SRL: variants seen among roughly 807,000 people sequenced by gnomAD.
The protein encoded by SRL is sarcalumenin.
In SRL, 23 loss-of-function variants were observed where a neutral mutation model predicts 39.5. The ratio of observed to expected loss-of-function variants is 0.58; its 90% CI spans 0.42 to 0.82. The LOEUF (loss-of-function observed/expected upper bound fraction) is 0.82. Among genes scored for constraint, SRL ranks in the 40% least tolerant of loss-of-function variants. The probability of loss-of-function intolerance (pLI) is 0.00; values close to 1 mark genes in which losing one functional copy is unlikely to be tolerated. For missense variants in SRL, 592 were observed against 607.8 expected (o/e 0.97, Z 0.27); for synonymous variants, 272 against 237.4 (o/e 1.15, Z -1.34).
intron 1 of SRL, among the ~76,000 whole-genome samples, chr16:4,210,045 T>C (rs1388588499): frequency 1.3e-5 from 2 of 152,198 alleles, no homozygotes; most frequent in Non-Finnish European, 2.9e-5. Context: ...AGGAATCCAA[T>C]TTAATTCTGT....
chr16:4,237,686 C>T (rs1183308223), intron 1 of SRL, among the ~76,000 whole-genome samples: 1 of 152,106 alleles, frequency 6.6e-6, no homozygotes, highest in Non-Finnish European at 1.5e-5. Context: ...CAATGCTCCC[C>T]TTCCCTGGGT....
chr16:4,225,017 A>T (rs748879982), intron 1 of SRL, among the ~76,000 whole-genome samples: 1 of 152,190 alleles, frequency 6.6e-6, no homozygotes, highest in Non-Finnish European at 1.5e-5. Flanking sequence ...GTGTGATTCC[A>T]TTTATACGAA....
intron 1 of SRL, among the ~76,000 whole-genome samples, chr16:4,231,457 T>C (rs1176870475): frequency 2.6e-5 from 4 of 152,104 alleles, no homozygotes; most frequent in Non-Finnish European, 5.9e-5. Context: ...AGCCAATCGT[T>C]TTCACCATCC....
At chr16:4,235,555 G>C (rs909609970) in intron 1 of SRL, among the ~76,000 whole-genome samples, 2 of 152,040 alleles carry the variant, frequency 1.3e-5, no homozygotes, top group Admixed American at 1.3e-4. Context: ...AATAAAATTA[G>C]CTGGGTGTGG....
At chr16:4,240,728 C>T (rs1860998032) in intron 1 of SRL, among the ~76,000 whole-genome samples, 1 of 152,148 alleles carries the variant, frequency 6.6e-6, no homozygotes, top group South Asian at 2.1e-4. Context: ...TGTGTAGCAG[C>T]CCAGCAGCTG....
chr16:4,205,666 C>A (rs2141035044), intron 1 of SRL, among the ~76,000 whole-genome samples: 1 of 152,230 alleles, frequency 6.6e-6, no homozygotes, highest in African/African-American at 2.4e-5. Context: ...TGTCTGGCTG[C>A]AGCTGGGGAG....
chr16:4,203,107 G>T, intron 3 of SRL, 59 bp downstream of exon 3: 1 of 1,497,068 alleles, frequency 6.7e-7, no homozygotes, highest in Non-Finnish European at 9.3e-7. Flanking sequence ...GTGTGGCCCC[G>T]CCGACAGGCC....
At chr16:4,218,674 G>A (rs1418781366) in intron 1 of SRL, among the ~76,000 whole-genome samples, 2 of 152,232 alleles carry the variant, frequency 1.3e-5, no homozygotes, top group Non-Finnish European at 2.9e-5. Flanking sequence ...CATTAGCAGA[G>A]CAGGTGAGAG....
At chr16:4,195,871 A>G in intron 4 of SRL, 85 bp from the exon 5 acceptor site, 1 of 1,160,152 alleles carries the variant, frequency 8.6e-7, no homozygotes, top group Non-Finnish European at 1.2e-6. Context: ...GCCTGGTGTC[A>G]CAGGGAGACT....
chr16:4,203,547 G>A (rs1404325418), intron 2 of SRL, among the ~76,000 whole-genome samples: 1 of 152,070 alleles, frequency 6.6e-6, no homozygotes, highest in Non-Finnish European at 1.5e-5. Flanking sequence ...TTAGAGAAAG[G>A]ATCTTGCTCT....
chr16:4,233,697 C>G (rs952317456), intron 1 of SRL, among the ~76,000 whole-genome samples: 1 of 152,194 alleles, frequency 6.6e-6, no homozygotes, highest in Non-Finnish European at 1.5e-5. Context: ...TGACAAGGGG[C>G]TGAGAGATGG....
chr16:4,193,107 T>A (rs1350606763), intron 5 of SRL, 143 bp from the exon 6 acceptor site: 2 of 672,052 alleles, frequency 3.0e-6, no homozygotes, highest in Non-Finnish European at 5.0e-6. Context: ...TATTAAAAAA[T>A]CAATTGCATA....
intron 1 of SRL, among the ~76,000 whole-genome samples, chr16:4,220,025 C>T (rs556028167): frequency 2.0e-5 from 3 of 152,240 alleles, no homozygotes; most frequent in African/African-American, 4.8e-5. Context: ...TCCCAGCCCA[C>T]CTTGCCGCTC....
chr16:4,206,735 A>G, intron 1 of SRL: 1 of 441,538 alleles, frequency 2.3e-6, no homozygotes, highest in South Asian at 1.6e-5. Flanking sequence ...ACCCTGGGCA[A>G]CAATGATGGG....
At chr16:4,207,129 C>T (rs1176080878) in intron 1 of SRL, 2 of 456,688 alleles carry the variant, frequency 4.4e-6, no homozygotes, top group Non-Finnish European at 4.4e-6. Context: ...CTCGGAGGCG[C>T]CCTCTGCTTC....
chr16:4,212,613 T>C (rs150783089), intron 1 of SRL, among the ~76,000 whole-genome samples: 218 of 152,298 alleles, frequency 1.4e-3, no homozygotes, highest in African/African-American at 5.0e-3. Flanking sequence ...TACCGCACTG[T>C]ATGTGCTGCT....
Position 4,190,187 on chromosome 16 carries a change from C to T in SRL, c.*1966G>A, listed in dbSNP as rs2052044435. The T allele has an allele frequency of 5.0e-6, 2 of 398,082 alleles. No individual in the cohort carries two copies. Among genetic ancestry groups the T allele is most frequent in the Admixed American group, 8.8e-5 (2 of 22,712 alleles). The allele number at this position is 398,082 out of a possible 1,614,324, so 24.7% of individuals were successfully genotyped here. ...ACGCAACGGCCCCTGTGACAGCATG[C>T]ACCAGAGTGATAACAATTCTGAGAA... On this transcript the variant is annotated 3_prime_UTR_variant, in exon 6 of 6. Coordinates refer to ENST00000399609, the MANE Select transcript of SRL (RefSeq NM_001098814.2).
chr16:4,215,922 G>A (rs911171601), intron 1 of SRL, among the ~76,000 whole-genome samples: 1 of 152,166 alleles, frequency 6.6e-6, no homozygotes, highest in African/African-American at 2.4e-5. Context: ...TGTGGTCCCA[G>A]CTACTGGGGA....
intron 3 of SRL, among the ~76,000 whole-genome samples, chr16:4,200,994 A>G (rs1423970813): frequency 6.6e-6 from 1 of 152,196 alleles, no homozygotes; most frequent in East Asian, 1.9e-4. Context: ...GATGAGTAAC[A>G]TTTTTAAATT....
Sources: gnomAD v4.1 joint callset for allele counts (sites outside exome capture counted in the v4.1 genomes callset) on GRCh38, gnomAD v4.1.1 for gene constraint, MANE v1.5 for transcripts, NCBI Gene and HGNC (gene_info 2026-07-23, HGNC 2026-07-21) for gene names.